SDK1: variants seen among roughly 807,000 people sequenced by gnomAD.
The protein encoded by SDK1 is protein sidekick-1.
In SDK1, 157 loss-of-function variants were observed where a neutral mutation model predicts 245.5. The ratio of observed to expected loss-of-function variants is 0.64; its 90% CI spans 0.56 to 0.73. SDK1 has a LOEUF of 0.73. Among genes scored for constraint, SDK1 ranks in the 30% least tolerant of loss-of-function variants. SDK1 has a pLI of 0.00. For missense variants in SDK1, 3,583 were observed against 3,002.3 expected, an observed-to-expected ratio of 1.19 and a Z score of -4.52; for synonymous variants, 1,647 against 1,278.5, an observed-to-expected ratio of 1.29 and a Z score of -6.15.
At chr7:3,575,295 G>C (rs1780248399) in intron 1 of SDK1, among the ~76,000 whole-genome samples, 1 of 151,852 alleles carries the variant, frequency 6.6e-6, no homozygotes, top group Non-Finnish European at 1.5e-5. Context: ...TGAATTCTCT[G>C]GTGTCTCTTC....
rs566581586 is a variant in SDK1, at chr7:3,792,042, T to C, written c.714-29408T>C. The stretch of plus-strand genomic sequence containing the variant: ...ACTCAAGAGGCTGAGGCATGAGGAT[T>C]GCTTGAACCCGGGAGTTCAAGGCTG... On this transcript the variant is annotated intron_variant, in intron 4 of 44. Transcript: ENST00000404826. 3.7e-4 allele frequency among the ~76,000 whole-genome samples: 56 copies of C among 152,224 alleles called. No individual in the cohort carries two copies. The South Asian group carries it at 0.011, about 29-fold the overall frequency.
At chr7:4,134,640 C>T in intron 28 of SDK1, 1 of 152,602 alleles carries the variant, frequency 6.6e-6, no homozygotes, top group Non-Finnish European at 1.5e-5. Context: ...AGGCTCGCCC[C>T]AGCCCCACCT....
At chr7:4,020,410 G>A (rs184771686) in intron 17 of SDK1, among the ~76,000 whole-genome samples, 8 of 152,250 alleles carry the variant, frequency 5.3e-5, no homozygotes, top group Non-Finnish European at 1.0e-4. Flanking sequence ...AGAATGAAGC[G>A]AGCGTATGAA....
chr7:3,400,390 A>T (rs918321169), intron 1 of SDK1, among the ~76,000 whole-genome samples: 2 of 152,142 alleles, frequency 1.3e-5, no homozygotes. Context: ...GTTTCCACAG[A>T]TCTTCACTCC....
chr7:3,369,622 A>G (rs576560467), intron 1 of SDK1, among the ~76,000 whole-genome samples: 3 of 152,362 alleles, frequency 2.0e-5, no homozygotes, highest in African/African-American at 7.2e-5. Flanking sequence ...AGGATGTTGT[A>G]TATAAGAGGA....
At chr7:3,437,819 A>T (rs1376033821) in intron 1 of SDK1, among the ~76,000 whole-genome samples, 1 of 152,212 alleles carries the variant, frequency 6.6e-6, no homozygotes, top group African/African-American at 2.4e-5. Flanking sequence ...CAGATACCTT[A>T]GTGGAAGCTT....
At chr7:3,398,314 A>T (rs1047554862) in intron 1 of SDK1, among the ~76,000 whole-genome samples, 1 of 152,106 alleles carries the variant, frequency 6.6e-6, no homozygotes, top group East Asian at 1.9e-4. Context: ...ATGTAGTGAT[A>T]AGGTGTTGCG....
At chr7:3,748,916 A>G (rs778108262) in intron 4 of SDK1, among the ~76,000 whole-genome samples, 22 of 152,208 alleles carry the variant, frequency 1.4e-4, no homozygotes, top group Non-Finnish European at 8.8e-5. Context: ...TTGTTGTTCT[A>G]CAGGAATTCA....
intron 4 of SDK1, among the ~76,000 whole-genome samples, chr7:3,753,163 C>G (rs193277595): frequency 4.6e-5 from 7 of 152,232 alleles, no homozygotes; most frequent in Non-Finnish European, 1.0e-4. Flanking sequence ...CATTAATAAG[C>G]TAGTTATGAG....
chr7:4,201,772 G>A (rs1783898600), intron 35 of SDK1, among the ~76,000 whole-genome samples: 1 of 152,144 alleles, frequency 6.6e-6, no homozygotes, highest in Admixed American at 6.5e-5. Context: ...GGTGGCTTTG[G>A]CAACAACAGA....
intron 35 of SDK1, among the ~76,000 whole-genome samples, chr7:4,200,097 C>A (rs572712732): frequency 2.0e-5 from 3 of 152,192 alleles, no homozygotes; most frequent in South Asian, 2.1e-4. Context: ...TCCATCCCCC[C>A]ACCCCACAAA....
At chr7:4,207,818 C>T (rs1422980620) in intron 36 of SDK1, among the ~76,000 whole-genome samples, 1 of 152,176 alleles carries the variant, frequency 6.6e-6, no homozygotes, top group Non-Finnish European at 1.5e-5. Context: ...TTATCTTCAA[C>T]AGCGCTTTGT....
chr7:3,980,609 C>T (rs1443324211), intron 13 of SDK1, among the ~76,000 whole-genome samples: 1 of 152,218 alleles, frequency 6.6e-6, no homozygotes, highest in East Asian at 1.9e-4. Flanking sequence ...AGTCAAGGAT[C>T]TCACAAAGCT....
In SDK1 at chr7:3,699,937, A is replaced by G. The variant is rs927011626; in HGVS notation, c.713+57832A>G. ...CTAGAACTAAGGACAAAGAAAAAAA[A>G]TTCTAAATGCAGCCAGAGAAAACAG... On this transcript the variant is annotated intron_variant, in intron 4 of 44. Transcript: ENST00000404826. Among the ~76,000 whole-genome samples, 3 of 152,216 alleles carry G rather than the reference A, an allele frequency of 2.0e-5. No individual in the cohort carries two copies. The East Asian group carries it at 5.8e-4, about 29-fold the overall frequency.
chr7:3,520,826 C>T (rs1463360995), intron 1 of SDK1, among the ~76,000 whole-genome samples: 4 of 152,200 alleles, frequency 2.6e-5, no homozygotes, highest in African/African-American at 9.7e-5. Context: ...TTAGACCTTG[C>T]ACAGCCATAT....
chr7:4,256,060 C>A (rs1583186618), intron 44 of SDK1, among the ~76,000 whole-genome samples: 1 of 151,864 alleles, frequency 6.6e-6, no homozygotes, highest in South Asian at 2.1e-4. Flanking sequence ...GCTGTGATCA[C>A]AGGTGTGCGC....
intron 1 of SDK1, among the ~76,000 whole-genome samples, chr7:3,503,918 G>A (rs555215307): frequency 3.3e-5 from 5 of 152,152 alleles, no homozygotes; most frequent in East Asian, 1.9e-4. Context: ...TTGGGAGGCC[G>A]AGGTGGGCGG....
intron 17 of SDK1, among the ~76,000 whole-genome samples, chr7:4,037,059 C>A (rs1268348883): frequency 1.3e-5 from 2 of 152,130 alleles, no homozygotes; most frequent in Admixed American, 6.5e-5. Context: ...AAAGTAATAA[C>A]AATGATGATG....
At chr7:3,426,982 T>C (rs573770720) in intron 1 of SDK1, among the ~76,000 whole-genome samples, 1 of 152,336 alleles carries the variant, frequency 6.6e-6, no homozygotes, top group Admixed American at 6.5e-5. Context: ...TCAGATACTT[T>C]ATGAACATCA....
Sources: allele counts gnomAD v4.1 joint callset (sites outside exome capture counted in the v4.1 genomes callset), GRCh38; gene constraint gnomAD v4.1.1; transcripts MANE v1.5; gene names NCBI Gene and HGNC (gene_info 2026-07-23, HGNC 2026-07-21).